NDST3: variants seen among roughly 807,000 people sequenced by gnomAD.
NDST3 encodes the protein bifunctional heparan sulfate N-deacetylase/N-sulfotransferase 3.
NDST3 carries 58 observed loss-of-function variants against 96.1 expected under a neutral mutation model. That is an observed-to-expected ratio of 0.60 (90% CI 0.49 to 0.75). The LOEUF (loss-of-function observed/expected upper bound fraction) is 0.75, where lower values mean the gene tolerates loss of function less well. NDST3 is among the 30% of genes least tolerant of loss of function. The pLI is 0.00. For synonymous variants in NDST3, 333 were observed against 359.7 expected, an observed-to-expected ratio of 0.93 and a Z score of 0.84; for missense variants, 788 against 1,034.2, an observed-to-expected ratio of 0.76 and a Z score of 3.27.
intron 6 of NDST3, among the ~76,000 whole-genome samples, chr4:118,202,598 T>G (rs1330330024): frequency 6.6e-6 from 1 of 152,210 alleles, no homozygotes; most frequent in Non-Finnish European, 1.5e-5. Context: ...ATTATGTTCT[T>G]GATTTCACTC....
chr4:118,054,140 A>G lies in NDST3; in HGVS notation c.230A>G (p.Asp77Gly). The G allele has an allele frequency of 2.5e-6, 4 of 1,612,874 alleles. No homozygotes were observed. The highest frequency in any genetic ancestry group is 3.4e-6 in the Non-Finnish European group (4 of 1,179,342). Residue 77 changes from aspartate (D) to glycine (G), a missense_variant, in exon 2 of 14, where the codon GAC (aspartate) becomes GGC (glycine). Physicochemically the swap from Asp to Gly is moderately conservative, Grantham distance 94 (BLOSUM62 -1). Around this residue, in one of 3 missense-constraint regions of NDST3, gnomAD observed 234 missense variants for 256.9 expected, o/e 0.91. Coordinates refer to ENST00000296499, the MANE Select transcript of NDST3 (RefSeq NM_004784.3). ...AMKLFDASRT[D>G]PTVLVFVESQ... ...AAGCTTTTTGATGCCTCAAGGACAGACCCCACAGTCCTAGTATTTGTAGAG... is the reference window on the plus strand; with the variant it reads ...AAGCTTTTTGATGCCTCAAGGACAGGCCCCACAGTCCTAGTATTTGTAGAG...
At chr4:118,060,435 T>C (rs991898144) in intron 2 of NDST3, among the ~76,000 whole-genome samples, 1 of 152,094 alleles carries the variant, frequency 6.6e-6, no homozygotes, top group Admixed American at 6.6e-5. Flanking sequence ...TTTTAATCTC[T>C]CTCCTGTCTT....
chr4:118,191,350 T>C (rs1737290049), intron 6 of NDST3, among the ~76,000 whole-genome samples: 1 of 152,182 alleles, frequency 6.6e-6, no homozygotes, highest in African/African-American at 2.4e-5. Flanking sequence ...AGATTTCCTT[T>C]ATAGGTGTGA....
At chr4:118,195,303 TG>T (rs1201489138) in intron 6 of NDST3, among the ~76,000 whole-genome samples, 7 of 152,216 alleles carry the variant, frequency 4.6e-5, no homozygotes, top group East Asian at 3.9e-4. Context: ...TTGTCAAGGG[TG>T]GGGCCAGGTG....
At chr4:118,089,405 AAAGGTC>A (rs1415586498) in intron 2 of NDST3, among the ~76,000 whole-genome samples, 2 of 151,964 alleles carry the variant, frequency 1.3e-5, no homozygotes, top group African/African-American at 4.8e-5. Context: ...GGTGTCACTA[AAAGGTC>A]ATTGATTTAC....
chr4:118,161,916 T>C (rs1306992690), intron 6 of NDST3, among the ~76,000 whole-genome samples: 2 of 152,158 alleles, frequency 1.3e-5, no homozygotes, highest in African/African-American at 2.4e-5. Flanking sequence ...CCTAGTGAGA[T>C]GAACCCGGTA....
chr4:118,175,303 TC>T (rs1410109022), intron 6 of NDST3, among the ~76,000 whole-genome samples: 1 of 152,124 alleles, frequency 6.6e-6, no homozygotes, highest in Non-Finnish European at 1.5e-5. Flanking sequence ...CTTTTCTCTT[TC>T]CCACCTTTGT....
chr4:118,082,521 AT>A (rs1728104178), intron 2 of NDST3, among the ~76,000 whole-genome samples: 1 of 152,184 alleles, frequency 6.6e-6, no homozygotes, highest in Non-Finnish European at 1.5e-5. Context: ...GAAACCAAAT[AT>A]TTTATAATGG....
chr4:118,149,857 G>GT (rs1181219613), intron 6 of NDST3, among the ~76,000 whole-genome samples: 1 of 152,154 alleles, frequency 6.6e-6, no homozygotes, highest in South Asian at 2.1e-4. Flanking sequence ...AATGCTTCCA[G>GT]TTTTTGCCCA....
Position 118,071,933 on chromosome 4 carries a change from T to C in NDST3, c.981+17042T>C, listed in dbSNP as rs956792056. Among the ~76,000 whole-genome samples, 3 of 152,142 alleles carry C rather than the reference T, an allele frequency of 2.0e-5. No homozygotes were observed. In the South Asian group the frequency reaches 6.2e-4, roughly 31 times the overall value. ...CTTTTATTTGTTGACTTTTTAAGAA[T>C]AGCCATTCTGACTGGTGTAAGACGG... On this transcript the variant is annotated intron_variant, in intron 2 of 13. Coordinates refer to ENST00000296499, the MANE Select transcript of NDST3 (RefSeq NM_004784.3).
intron 3 of NDST3, among the ~76,000 whole-genome samples, chr4:118,110,468 A>G (rs1249964403): frequency 2.0e-5 from 3 of 152,162 alleles, no homozygotes; most frequent in Non-Finnish European, 1.5e-5. Flanking sequence ...TGAAGTTAGC[A>G]GCAGCACTCA....
chr4:118,185,546 T>C lies in NDST3; in HGVS notation c.1540-38945T>C, dbSNP rs568938348. ...AGAAAAACCTTAGACAAATTAAATT[T>C]AACAGTTTAATTGAGCAAAGAACAA... On this transcript the variant is annotated intron_variant, in intron 6 of 13. Coordinates refer to ENST00000296499, the MANE Select transcript of NDST3 (RefSeq NM_004784.3). Among the ~76,000 whole-genome samples the C allele has an allele frequency of 2.0e-5, 3 of 152,000 alleles. No homozygotes were observed. The South Asian group carries it at 6.2e-4, about 32-fold the overall frequency.
At chr4:118,252,728 T>A (rs1741827244) in intron 12 of NDST3, among the ~76,000 whole-genome samples, 1 of 152,072 alleles carries the variant, frequency 6.6e-6, no homozygotes, top group Non-Finnish European at 1.5e-5. Context: ...CCGTCTCTAC[T>A]AAAAATACAA....
chr4:118,070,913 T>A (rs1028891352), intron 2 of NDST3, among the ~76,000 whole-genome samples: 19 of 152,198 alleles, frequency 1.2e-4, no homozygotes, highest in African/African-American at 4.3e-4. Context: ...TTTTTTGTCC[T>A]TGCGATAGCT....
chr4:118,246,039 C>A (rs1741292343), intron 12 of NDST3, among the ~76,000 whole-genome samples: 1 of 152,118 alleles, frequency 6.6e-6, no homozygotes, highest in African/African-American at 2.4e-5. Context: ...AGCATATTAA[C>A]AGGAAGTGCT....
chr4:118,079,113 G>C (rs1424513100), intron 2 of NDST3, among the ~76,000 whole-genome samples: 1 of 152,152 alleles, frequency 6.6e-6, no homozygotes, highest in African/African-American at 2.4e-5. Context: ...ATATTAATTG[G>C]TGTCTACTAT....
chr4:118,191,865 T>C (rs963824423), intron 6 of NDST3, among the ~76,000 whole-genome samples: 1 of 152,198 alleles, frequency 6.6e-6, no homozygotes, highest in Non-Finnish European at 1.5e-5. Context: ...CTCCAAACTG[T>C]TCTCCACAGT....
At chr4:118,205,224 G>C (rs1376169220) in intron 6 of NDST3, among the ~76,000 whole-genome samples, 1 of 144,098 alleles carries the variant, frequency 6.9e-6, no homozygotes, top group East Asian at 2.0e-4. Context: ...AGATGGGCTT[G>C]AGATAGACAA....
chr4:118,076,769 T>C lies in NDST3; in HGVS notation c.981+21878T>C, dbSNP rs184323079. Among the ~76,000 whole-genome samples the C allele has an allele frequency of 3.9e-5, 6 of 152,314 alleles. No individual in the cohort carries two copies. In the East Asian group the frequency reaches 7.7e-4, roughly 20 times the overall value. On this transcript the variant is annotated intron_variant, in intron 2 of 13. Coordinates refer to ENST00000296499, the MANE Select transcript of NDST3 (RefSeq NM_004784.3). Reference sequence around the variant, plus strand: ...TGAATCTCAATGATCTTCATTCCTATCCATATTCTGAATTCTACGCCTGTT... The same window carrying C: ...TGAATCTCAATGATCTTCATTCCTACCCATATTCTGAATTCTACGCCTGTT...
Sources: allele counts gnomAD v4.1 joint callset (sites outside exome capture counted in the v4.1 genomes callset), GRCh38; gene constraint gnomAD v4.1.1; regional missense constraint gnomAD v4.1.1; transcripts MANE v1.5; gene names NCBI Gene and HGNC (gene_info 2026-07-23, HGNC 2026-07-21).